MYO16: variants seen among roughly 807,000 people sequenced by gnomAD.
MYO16 encodes the protein myosin XVI, also known as unconventional myosin-XVI.
MYO16 carries 94 observed loss-of-function variants against 205.3 expected under a neutral mutation model. That is an observed-to-expected ratio of 0.46 (90% CI 0.39 to 0.54). The LOEUF is 0.54. Ranked by LOEUF, MYO16 falls within the 20% of genes least tolerant of loss-of-function variation. MYO16 has a pLI of 0.00. For missense variants in MYO16, 2,315 were observed against 2,387.5 expected (o/e 0.97, Z 0.63); for synonymous variants, 988 against 954.0 (o/e 1.04, Z -0.66).
upstream of MYO16, among the ~76,000 whole-genome samples, chr13:108,593,018 G>A (rs549699991): frequency 6.6e-5 from 10 of 152,104 alleles, no homozygotes; most frequent in African/African-American, 1.4e-4. Context: ...CCTAGTGTTC[G>A]TCCCTGTGAG....
chr13:109,041,060 T>C (rs1026906855), intron 23 of MYO16, among the ~76,000 whole-genome samples: 7 of 152,222 alleles, frequency 4.6e-5, no homozygotes, highest in African/African-American at 1.7e-4. Context: ...ATTGTATTTC[T>C]GTATACTAGC....
chr13:108,726,562 A>AG (rs1491032418), intron 3 of MYO16, among the ~76,000 whole-genome samples: 4 of 118,416 alleles, frequency 3.4e-5, no homozygotes, highest in African/African-American at 1.1e-4. Context: ...TGTTTCAAAA[A>AG]AAAAAAAAAA....
intron 16 of MYO16, among the ~76,000 whole-genome samples, chr13:108,921,640 G>A (rs904625698): frequency 7.2e-5 from 11 of 152,152 alleles, no homozygotes; most frequent in Admixed American, 7.2e-4. Context: ...AATCTTCCAT[G>A]ACTGCAGCCA....
chr13:108,807,343 G>A (rs1052126060), intron 7 of MYO16, among the ~76,000 whole-genome samples: 10 of 152,116 alleles, frequency 6.6e-5, no homozygotes, highest in African/African-American at 2.4e-4. Context: ...ACTATCAAAA[G>A]AATGGAAAGA....
chr13:108,835,501 G>C (rs986366437), intron 9 of MYO16, among the ~76,000 whole-genome samples: 1 of 152,176 alleles, frequency 6.6e-6, no homozygotes, highest in Non-Finnish European at 1.5e-5. Context: ...TACTGGGAGT[G>C]GGGTGCTGCT....
At chr13:108,719,340 T>A (rs190125553) in intron 3 of MYO16, among the ~76,000 whole-genome samples, 1 of 152,312 alleles carries the variant, frequency 6.6e-6, no homozygotes, top group Non-Finnish European at 1.5e-5. Context: ...AGAAAGTCTT[T>A]CTTTAAGCAA....
At chr13:108,871,356 G>GTGTGTGTC (rs1555307588) in intron 12 of MYO16, among the ~76,000 whole-genome samples, 22 of 127,654 alleles carry the variant, frequency 1.7e-4, no homozygotes, top group African/African-American at 5.3e-4. Flanking sequence ...GTGTGTGTGT[G>GTGTGTGTC]TGTGTGTCTG....
At chr13:108,876,477 AG>A (rs1879331668) in intron 12 of MYO16, among the ~76,000 whole-genome samples, 1 of 152,338 alleles carries the variant, frequency 6.6e-6, no homozygotes, top group African/African-American at 2.4e-5. Context: ...CTATAAACAT[AG>A]GGTAAGTACC....
chr13:108,652,940 GTT>G (rs1881077216), intron 1 of MYO16, among the ~76,000 whole-genome samples: 1 of 152,154 alleles, frequency 6.6e-6, no homozygotes, highest in South Asian at 2.1e-4. Flanking sequence ...GATAGTTGAA[GTT>G]TTCATTTTTT....
chr13:108,895,453 A>G (rs1880368510), intron 14 of MYO16, among the ~76,000 whole-genome samples: 1 of 152,200 alleles, frequency 6.6e-6, no homozygotes, highest in Non-Finnish European at 1.5e-5. Flanking sequence ...GTTATTGCAT[A>G]GTTTATTTAG....
intron 4 of MYO16, among the ~76,000 whole-genome samples, chr13:108,751,015 T>C (rs1379460245): frequency 2.0e-5 from 3 of 151,508 alleles, no homozygotes; most frequent in Non-Finnish European, 4.4e-5. Context: ...TTACAGATGC[T>C]TATGCATAGA....
At chr13:108,500,515 A>G in the MYO16 span, among the ~76,000 whole-genome samples, 1 of 151,986 alleles carries the variant, frequency 6.6e-6, no homozygotes, top group Non-Finnish European at 1.5e-5. Context: ...AGCATGAGCC[A>G]CCACGCCCGG....
intron 9 of MYO16, among the ~76,000 whole-genome samples, chr13:108,831,251 C>T (rs578082850): frequency 8.5e-5 from 13 of 152,118 alleles, no homozygotes; most frequent in Non-Finnish European, 1.6e-4. Flanking sequence ...AGAAGTCTAC[C>T]GGGCATAGAG....
chr13:108,720,894 T>G (rs1260051096), intron 3 of MYO16, among the ~76,000 whole-genome samples: 1 of 152,212 alleles, frequency 6.6e-6, no homozygotes, highest in African/African-American at 2.4e-5. Flanking sequence ...GTAATGATTT[T>G]CTGATTTACT....
Position 108,727,572 on chromosome 13 carries a change from C to A in MYO16, c.496C>A (p.Leu166Ile). Reference protein sequence around the residue: ...CACDNPDIVLLLVLAGANVLL... With the variant: ...CACDNPDIVLILVLAGANVLL... The stretch of plus-strand genomic sequence containing the variant: ...CTGCGATAACCCTGATATTGTCCTG[C>A]TTCTTGTATTAGTAAGTAAAGCAAT... Residue 166 changes from leucine to isoleucine, a missense_variant, in exon 4 of 35, where the codon CTT (leucine) becomes ATT (isoleucine). By Grantham distance (5) the Leu-to-Ile change is conservative. Around this residue, in one of 3 missense-constraint regions of MYO16, gnomAD observed 1,213 missense variants for 1,274.4 expected, o/e 0.95. Transcript: ENST00000457511. 6.2e-7 allele frequency: 1 copy of A among 1,611,116 alleles called. No individual in the cohort carries two copies. Among genetic ancestry groups the A allele is most frequent in the Admixed American group, 1.7e-5 (1 of 59,204 alleles).
intron 6 of MYO16, among the ~76,000 whole-genome samples, chr13:108,802,403 G>C (rs1266062737): frequency 1.3e-5 from 2 of 152,146 alleles, no homozygotes; most frequent in African/African-American, 4.8e-5. Context: ...CATCCATGTT[G>C]TTGCAAATGA....
intron 28 of MYO16, among the ~76,000 whole-genome samples, chr13:109,118,740 T>C (rs1305107342): frequency 6.6e-6 from 1 of 152,092 alleles, no homozygotes; most frequent in African/African-American, 2.4e-5. Context: ...GGACCAACTG[T>C]TCTTCCTGTC....
chr13:109,037,731 C>T (rs1244838162), intron 23 of MYO16, among the ~76,000 whole-genome samples: 3 of 151,898 alleles, frequency 2.0e-5, no homozygotes, highest in African/African-American at 7.3e-5. Flanking sequence ...GAGAGGTCAG[C>T]ATTACTGCCT....
At chr13:109,030,704 G>A (rs2139554963) in intron 23 of MYO16, among the ~76,000 whole-genome samples, 1 of 152,014 alleles carries the variant, frequency 6.6e-6, no homozygotes, top group Admixed American at 6.6e-5. Flanking sequence ...TTCTGCTGTG[G>A]GCTGCATATT....
Sources: gnomAD v4.1 joint callset for allele counts (sites outside exome capture counted in the v4.1 genomes callset) on GRCh38, gnomAD v4.1.1 for gene constraint, gnomAD v4.1.1 regional missense constraint, MANE v1.5 for transcripts, NCBI Gene and HGNC (gene_info 2026-07-23, HGNC 2026-07-21) for gene names.